DPF3: variants seen among roughly 807,000 people sequenced by gnomAD.
The protein encoded by DPF3 is double PHD fingers 3.
Under a neutral mutation model 56.8 loss-of-function variants are expected in DPF3, and 18 were observed. The observed-to-expected ratio is 0.32, with a 90% CI of 0.22 to 0.47. The LOEUF (loss-of-function observed/expected upper bound fraction) is 0.47. Among genes scored for constraint, DPF3 ranks in the 20% least tolerant of loss-of-function variants. The probability of loss-of-function intolerance (pLI) is 1.00; values close to 1 mark genes in which losing one functional copy is unlikely to be tolerated. For missense variants in DPF3, 403 were observed against 488.8 expected (o/e 0.82, Z 1.65); for synonymous variants, 188 against 180.2 (o/e 1.04, Z -0.35).
rs1030730821 is a variant in DPF3, at chr14:72,714,267, C to T, written c.604+156G>A. Reference sequence around the variant, plus strand: ...CAGAGGCCCAAGGAAGTGGTGACTGCGGTGGAGGCGGCAGGCGAGTAAGCT... The same window carrying T: ...CAGAGGCCCAAGGAAGTGGTGACTGTGGTGGAGGCGGCAGGCGAGTAAGCT... On this transcript the variant is annotated intron_variant, in intron 6 of 10. Transcript: ENST00000556509. Among the ~76,000 whole-genome samples the T allele has an allele frequency of 4.6e-5, 7 of 152,074 alleles. No individual in the cohort carries two copies. In the East Asian group the frequency reaches 7.7e-4, roughly 17 times the overall value.
chr14:72,812,652 G>A (rs550157855), intron 1 of DPF3, among the ~76,000 whole-genome samples: 3 of 152,276 alleles, frequency 2.0e-5, no homozygotes, highest in South Asian at 4.2e-4. Context: ...GGCTCAGCAG[G>A]GCATGGAGGC....
intron 1 of DPF3, among the ~76,000 whole-genome samples, chr14:72,775,316 C>CA (rs1349991336): frequency 1.3e-5 from 2 of 152,150 alleles, no homozygotes; most frequent in African/African-American, 4.8e-5. Context: ...GAAACCAATA[C>CA]AAAAGAAATC....
At chr14:72,865,383 C>T (rs534060871) in intron 1 of DPF3, among the ~76,000 whole-genome samples, 9 of 152,260 alleles carry the variant, frequency 5.9e-5, no homozygotes, top group South Asian at 2.1e-4. Context: ...GAGCATGATG[C>T]GGGGACAATA....
At chr14:72,880,268 G>C (rs1414368772) in intron 1 of DPF3, among the ~76,000 whole-genome samples, 1 of 152,236 alleles carries the variant, frequency 6.6e-6, no homozygotes, top group Non-Finnish European at 1.5e-5. Context: ...TCAGCCTCCT[G>C]TTCCTGGAGC....
intron 1 of DPF3, among the ~76,000 whole-genome samples, chr14:72,787,865 C>T (rs1372033966): frequency 3.3e-5 from 5 of 152,204 alleles, no homozygotes; most frequent in Non-Finnish European, 7.3e-5. Context: ...GGAGAGGCTG[C>T]CTCTGGTGGC....
chr14:72,727,712 C>T (rs1889463097), intron 4 of DPF3, among the ~76,000 whole-genome samples: 1 of 152,084 alleles, frequency 6.6e-6, no homozygotes, highest in Non-Finnish European at 1.5e-5. Flanking sequence ...CTGTGTGTCA[C>T]ATTCGAATAT....
At chr14:72,677,470 G>A (rs1047385493) in intron 7 of DPF3, among the ~76,000 whole-genome samples, 1 of 152,150 alleles carries the variant, frequency 6.6e-6, no homozygotes, top group African/African-American at 2.4e-5. Flanking sequence ...GGAGGGTACT[G>A]TTGATATCAC....
chr14:72,644,026 T>C (rs1275283981), intron 8 of DPF3, among the ~76,000 whole-genome samples: 3 of 152,148 alleles, frequency 2.0e-5, no homozygotes. Flanking sequence ...ACTTTCCAAG[T>C]TGCAGTGGCA....
chr14:72,755,151 A>G (rs1296951060), intron 2 of DPF3, among the ~76,000 whole-genome samples: 1 of 152,166 alleles, frequency 6.6e-6, no homozygotes, highest in Admixed American at 6.5e-5. Context: ...TGGCTGCTTT[A>G]CGGTGCTTCC....
At chr14:72,688,962 C>T (rs995058748) in intron 7 of DPF3, among the ~76,000 whole-genome samples, 3 of 152,070 alleles carry the variant, frequency 2.0e-5, no homozygotes, top group Non-Finnish European at 2.9e-5. Flanking sequence ...AGGGGACAAA[C>T]GTACAGGAAA....
intron 8 of DPF3, among the ~76,000 whole-genome samples, chr14:72,653,602 T>C (rs1885980432): frequency 6.6e-6 from 1 of 152,230 alleles, no homozygotes; most frequent in African/African-American, 2.4e-5. Context: ...TTCAGTGACC[T>C]ATCAGTCTAG....
chr14:72,672,912 G>GC, intron 8 of DPF3, among the ~76,000 whole-genome samples: 1 of 151,790 alleles, frequency 6.6e-6, no homozygotes, highest in Non-Finnish European at 1.5e-5. Flanking sequence ...AATTTCATCT[G>GC]TTTTTTTTAA....
chr14:72,878,872 ATC>A lies in DPF3; in HGVS notation c.32+15183_32+15184del, dbSNP rs1255598334. Among the ~76,000 whole-genome samples the A allele has an allele frequency of 2.0e-5, 3 of 152,384 alleles. No individual in the cohort carries two copies. The East Asian group carries it at 5.8e-4, about 29-fold the overall frequency. On this transcript the variant is annotated intron_variant, in intron 1 of 10. Coordinates refer to ENST00000556509, the MANE Select transcript of DPF3 (RefSeq NM_001280542.3). ...TACATGCAAGCAAGGCCAAACCTGCATCTGTTTCCCAACTCCTGAAACTGAAG... is the reference window on the plus strand; with the variant it reads ...TACATGCAAGCAAGGCCAAACCTGCATGTTTCCCAACTCCTGAAACTGAAG...
At chr14:72,832,430 A>G (rs946972917) in intron 1 of DPF3, among the ~76,000 whole-genome samples, 1 of 152,188 alleles carries the variant, frequency 6.6e-6, no homozygotes, top group Non-Finnish European at 1.5e-5. Flanking sequence ...ACTCCAAACA[A>G]GTAAGAGATC....
At chr14:72,879,932 G>A in intron 1 of DPF3, 1 of 1,508,102 alleles carries the variant, frequency 6.6e-7, no homozygotes, top group Non-Finnish European at 8.8e-7. Flanking sequence ...AACTTTCATA[G>A]GATTCTTGAA....
chr14:72,775,271 C>T (rs1891701950), intron 1 of DPF3, among the ~76,000 whole-genome samples: 1 of 152,218 alleles, frequency 6.6e-6, no homozygotes, highest in South Asian at 2.1e-4. Context: ...CAAAACTCAT[C>T]TACTGGAGAT....
At chr14:72,739,506 G>A (rs1890041970) in intron 3 of DPF3, among the ~76,000 whole-genome samples, 1 of 152,162 alleles carries the variant, frequency 6.6e-6, no homozygotes, top group African/African-American at 2.4e-5. Flanking sequence ...CCCTCTCCTT[G>A]TGCTTTTCAG....
chr14:72,658,955 C>T (rs1886129559), intron 8 of DPF3, among the ~76,000 whole-genome samples: 1 of 151,994 alleles, frequency 6.6e-6, no homozygotes, highest in African/African-American at 2.4e-5. Flanking sequence ...ATCACCAACA[C>T]TGAAAAATGG....
intron 1 of DPF3, among the ~76,000 whole-genome samples, chr14:72,785,618 C>T (rs1249269346): frequency 2.0e-5 from 3 of 152,196 alleles, no homozygotes; most frequent in East Asian, 1.9e-4. Context: ...AACTTGCTAG[C>T]TAATCTTAGC....
Sources: allele counts gnomAD v4.1 joint callset (sites outside exome capture counted in the v4.1 genomes callset), GRCh38; gene constraint gnomAD v4.1.1; transcripts MANE v1.5; gene names NCBI Gene and HGNC (gene_info 2026-07-23, HGNC 2026-07-21).